The following THADA variants were observed in gnomAD, a reference collection of about 807,000 sequenced individuals.
THADA encodes THADA armadillo repeat containing.
A neutral mutation model predicts 219.8 loss-of-function variants in THADA; 213 were observed. That is an observed-to-expected ratio of 0.97 (90% confidence interval 0.87 to 1.09). THADA has a LOEUF of 1.09. Among genes scored for constraint, THADA ranks in the 50% least tolerant of loss-of-function variants. The pLI is 0.00. For missense variants in THADA, 2,956 were observed against 2,311.3 expected (o/e 1.28, Z -5.72); for synonymous variants, 1,018 against 828.9 (o/e 1.23, Z -3.92).
At chr2:43,373,607 G>C (rs1458927675) in intron 29 of THADA, among the ~76,000 whole-genome samples, 1 of 152,062 alleles carries the variant, frequency 6.6e-6, no homozygotes, top group East Asian at 1.9e-4. Context: ...CTCCCAAGTA[G>C]CTGGGATTAC....
chr2:43,388,730 C>T (rs931973110), intron 29 of THADA, among the ~76,000 whole-genome samples: 1 of 152,192 alleles, frequency 6.6e-6, no homozygotes, highest in Non-Finnish European at 1.5e-5. Flanking sequence ...ACCGGAGGAA[C>T]CTCTCTGTGA....
chr2:43,268,941 T>C (rs1416307824), intron 36 of THADA, among the ~76,000 whole-genome samples: 1 of 151,962 alleles, frequency 6.6e-6, no homozygotes, highest in African/African-American at 2.4e-5. Context: ...ACGAGAAAGG[T>C]GGGGGGGCCC....
chr2:43,294,194 C>T (rs1675085578), intron 31 of THADA, among the ~76,000 whole-genome samples: 1 of 152,100 alleles, frequency 6.6e-6, no homozygotes, highest in Non-Finnish European at 1.5e-5. Flanking sequence ...TTTTCATATT[C>T]TCAGTTCTGA....
chr2:43,350,468 T>A (rs1668126386), intron 29 of THADA, among the ~76,000 whole-genome samples: 1 of 152,226 alleles, frequency 6.6e-6, no homozygotes, highest in African/African-American at 2.4e-5. Context: ...GGCTAGGATT[T>A]GTTTTCCGCT....
At chr2:43,455,382 A>G (rs990766933) in intron 26 of THADA, among the ~76,000 whole-genome samples, 1 of 151,766 alleles carries the variant, frequency 6.6e-6, no homozygotes, top group Non-Finnish European at 1.5e-5. Context: ...TTTTTAAAAA[A>G]TCTCTATTTT....
chr2:43,457,271 A>T (rs1487809242), intron 26 of THADA, among the ~76,000 whole-genome samples: 3 of 152,066 alleles, frequency 2.0e-5, no homozygotes, highest in African/African-American at 7.2e-5. Flanking sequence ...ATAATAAGAT[A>T]CCAATATTTG....
chr2:43,546,462 C>T (rs923861012), intron 20 of THADA, among the ~76,000 whole-genome samples: 3 of 152,200 alleles, frequency 2.0e-5, no homozygotes, highest in Non-Finnish European at 2.9e-5. Flanking sequence ...CTAATGTTGA[C>T]GGTGGGGTGT....
chr2:43,387,313 G>C (rs1236422504), intron 29 of THADA, among the ~76,000 whole-genome samples: 1 of 152,212 alleles, frequency 6.6e-6, no homozygotes, highest in Non-Finnish European at 1.5e-5. Flanking sequence ...ATGAGAGGCA[G>C]GTTGGAACAA....
chr2:43,263,181 A>T (rs1671154108), intron 36 of THADA, among the ~76,000 whole-genome samples: 1 of 152,172 alleles, frequency 6.6e-6, no homozygotes, highest in Non-Finnish European at 1.5e-5. Context: ...CCTCCCCAGT[A>T]GCCCATCCAA....
intron 27 of THADA, 25 bp downstream of exon 27, chr2:43,430,188 T>C (rs1262126326): frequency 7.9e-7 from 1 of 1,269,866 alleles, no homozygotes. Flanking sequence ...TGAGGTCATT[T>C]TGCCCCACCC....
intron 22 of THADA, among the ~76,000 whole-genome samples, chr2:43,514,657 GTA>G (rs1691005415): frequency 1.5e-5 from 1 of 64,732 alleles, no homozygotes; most frequent in Non-Finnish European, 2.6e-5. Context: ...TATATATATT[GTA>G]TATAATAATA....
intron 26 of THADA, chr2:43,430,787 C>A (rs1412501073): frequency 6.8e-6 from 2 of 294,182 alleles, no homozygotes; most frequent in Admixed American, 3.7e-5. Context: ...GCCTCCGTGG[C>A]TTCTACCCAC....
intron 31 of THADA, among the ~76,000 whole-genome samples, chr2:43,320,081 C>T (rs1276228060): frequency 3.3e-5 from 5 of 152,010 alleles, no homozygotes; most frequent in African/African-American, 1.2e-4. Context: ...TCAAATGAGC[C>T]CAGCTCAGTT....
intron 31 of THADA, among the ~76,000 whole-genome samples, chr2:43,318,395 C>T (rs1678316258): frequency 6.6e-6 from 1 of 152,100 alleles, no homozygotes; most frequent in Admixed American, 6.6e-5. Context: ...TTTGATAATA[C>T]ATTTTAAATT....
In THADA at chr2:43,293,232, A is replaced by C; in HGVS notation, c.4439-19T>G. On this transcript the variant is annotated intron_variant, in intron 31 of 37. Coordinates refer to ENST00000405975, the MANE Select transcript of THADA (RefSeq NM_022065.5). ...TCCAGAACTAAGAAGCAAAAAAAGC[A>C]AAAGGGAAAGAGATAATCACTTTAA... The C allele has an allele frequency of 1.3e-6, 2 of 1,586,152 alleles. No individual in the cohort carries two copies. Among genetic ancestry groups the C allele is most frequent in the Non-Finnish European group, 1.7e-6 (2 of 1,166,338 alleles).
chr2:43,482,980 C>A (rs1686418600), intron 26 of THADA, among the ~76,000 whole-genome samples: 1 of 152,154 alleles, frequency 6.6e-6, no homozygotes. Context: ...TTAAGGTCAT[C>A]TCCAGTGGCA....
chr2:43,573,025 T>C lies in THADA; in HGVS notation c.1730-33A>G, dbSNP rs1699472927. 6 of 1,551,868 alleles carry C rather than the reference T, an allele frequency of 3.9e-6. No homozygotes were observed. The East Asian group carries it at 1.4e-4, about 36-fold the overall frequency. On this transcript the variant is annotated intron_variant, in intron 11 of 37. Transcript: ENST00000405975. ...CACAATAACAAAGACCATTACTGTATTATGCAATGACTACTATAATTATCA... is the reference window on the plus strand; with the variant it reads ...CACAATAACAAAGACCATTACTGTACTATGCAATGACTACTATAATTATCA...
intron 36 of THADA, among the ~76,000 whole-genome samples, chr2:43,278,364 T>C (rs58911168): frequency 0.03 from 4,628 of 152,318 alleles, 197 homozygotes; most frequent in African/African-American, 0.1. Flanking sequence ...AAAAGATCTA[T>C]ATTTTATGCT....
At chr2:43,385,895 A>C (rs1024118994) in intron 29 of THADA, among the ~76,000 whole-genome samples, 2 of 152,086 alleles carry the variant, frequency 1.3e-5, no homozygotes, top group African/African-American at 4.8e-5. Context: ...AACTCCAAAC[A>C]AATAATCTTA....
Sources: gnomAD v4.1 joint callset for allele counts (sites outside exome capture counted in the v4.1 genomes callset) on GRCh38, gnomAD v4.1.1 for gene constraint, MANE v1.5 for transcripts, NCBI Gene and HGNC (gene_info 2026-07-23, HGNC 2026-07-21) for gene names.